MELK: variants seen among roughly 807,000 people sequenced by gnomAD.
MELK encodes pEg3 kinase.
Under a neutral mutation model 85.0 loss-of-function variants are expected in MELK, and 81 were observed. The ratio of observed to expected loss-of-function variants is 0.95; its 90% confidence interval spans 0.80 to 1.15. The LOEUF is 1.15. Among genes scored for constraint, MELK ranks in the 50% most tolerant of loss-of-function variants. The pLI, the probability that MELK is intolerant of heterozygous loss-of-function variation, is 0.00. For missense variants in MELK, 754 were observed against 777.5 expected (o/e 0.97, Z 0.36); for synonymous variants, 252 against 265.0 (o/e 0.95, Z 0.48).
chr9:36,583,770 A>G (rs1335068194), intron 3 of MELK, 58 bp downstream of exon 3: 3 of 1,214,438 alleles, frequency 2.5e-6, no homozygotes, highest in Admixed American at 1.9e-5. Flanking sequence ...GTGAATTAAA[A>G]CCTGAATTGT....
chr9:36,592,802 G>T (rs901212133), intron 4 of MELK, among the ~76,000 whole-genome samples: 3 of 151,864 alleles, frequency 2.0e-5, no homozygotes, highest in Admixed American at 1.3e-4. Flanking sequence ...TCCTATTGAG[G>T]TATAAATTTA....
intron 8 of MELK, among the ~76,000 whole-genome samples, chr9:36,617,940 A>G (rs2136146309): frequency 6.6e-6 from 1 of 152,222 alleles, no homozygotes; most frequent in South Asian, 2.1e-4. Flanking sequence ...AGCCTGGGCA[A>G]CATCGTGAGA....
chr9:36,662,145 C>T (rs1180980693), intron 13 of MELK, among the ~76,000 whole-genome samples: 1 of 150,782 alleles, frequency 6.6e-6, no homozygotes, highest in Non-Finnish European at 1.5e-5. Context: ...TGTTAATTTC[C>T]CCCCACATTT....
chr9:36,597,291 G>A lies in MELK; in HGVS notation c.474+1G>A. On this transcript the variant is annotated splice_donor_variant, in intron 6 of 17. Transcript: ENST00000298048. LOFTEE classifies it high-confidence loss of function. ...CTTTGGTCTCTGTGCAAAACCCAAG[G>A]TAAGTGCAGAAATAAGATGCATCTA... 1 of 1,610,554 alleles carries A rather than the reference G, an allele frequency of 6.2e-7. No individual in the cohort carries two copies. The highest frequency in any genetic ancestry group is 8.5e-7 in the Non-Finnish European group (1 of 1,177,000).
In MELK at chr9:36,677,359, C is replaced by T; in HGVS notation, c.*22C>T. ...ATAATTGATGGATTCTTCCATCCTGCCGGATGAGTGTGGGTGTGATACAGC... is the reference window on the plus strand; with the variant it reads ...ATAATTGATGGATTCTTCCATCCTGTCGGATGAGTGTGGGTGTGATACAGC... On this transcript the variant is annotated 3_prime_UTR_variant, in exon 18 of 18. Coordinates refer to ENST00000298048, the MANE Select transcript of MELK (RefSeq NM_014791.4). The T allele has an allele frequency of 1.3e-6, 2 of 1,596,816 alleles. No individual in the cohort carries two copies.
intron 15 of MELK, among the ~76,000 whole-genome samples, chr9:36,670,501 C>A (rs900433485): frequency 2.6e-5 from 4 of 151,724 alleles, no homozygotes; most frequent in African/African-American, 7.3e-5. Context: ...GAGTTACTTT[C>A]AGATGGCTTA....
chr9:36,644,209 T>TTGTGTGTG (rs55796800), intron 11 of MELK, among the ~76,000 whole-genome samples: 2,394 of 145,354 alleles, frequency 0.016, 57 homozygotes, highest in African/African-American at 0.058. Flanking sequence ...TACCTGTGTT[T>TTGTGTGTG]TGTGTGTGTG....
rs529500779 is a variant in MELK at position 36,677,394 on chromosome 9, G to A, written c.*57G>A. The A allele has an allele frequency of 3.4e-6, 5 of 1,466,792 alleles. No individual in the cohort carries two copies. Among genetic ancestry groups the A allele is most frequent in the Admixed American group, 4.7e-5 (2 of 42,742 alleles). 90.9% of individuals were successfully genotyped at this position (1,466,792 alleles called of 1,614,324 possible). Reference sequence around the variant, plus strand: ...GTGGGTGTGATACAGCCTACATAAAGACTGTTATGATCGCTTTGATTTTAA... The same window carrying A: ...GTGGGTGTGATACAGCCTACATAAAAACTGTTATGATCGCTTTGATTTTAA... On this transcript the variant is annotated 3_prime_UTR_variant, in exon 18 of 18. Transcript: ENST00000298048.
intron 7 of MELK, among the ~76,000 whole-genome samples, chr9:36,601,251 A>G (rs922996125): frequency 7.9e-5 from 12 of 152,154 alleles, no homozygotes; most frequent in African/African-American, 2.4e-4. Flanking sequence ...AGTCTAGGAT[A>G]TGGTGCAGGA....
chr9:36,662,082 T>A (rs1831899124), intron 13 of MELK, among the ~76,000 whole-genome samples: 1 of 151,948 alleles, frequency 6.6e-6, no homozygotes, highest in African/African-American at 2.4e-5. Context: ...TTTCTTTTTT[T>A]ATGTTTCCTA....
At chr9:36,637,617 C>T (rs1272098517) in intron 10 of MELK, among the ~76,000 whole-genome samples, 1 of 152,204 alleles carries the variant, frequency 6.6e-6, no homozygotes, top group African/African-American at 2.4e-5. Context: ...CATGAATCAA[C>T]ACAACAGCTT....
At chr9:36,626,047 G>A (rs1229101160) in intron 8 of MELK, among the ~76,000 whole-genome samples, 1 of 152,128 alleles carries the variant, frequency 6.6e-6, no homozygotes, top group Non-Finnish European at 1.5e-5. Context: ...AGAAATATAA[G>A]TGCAAGTGTG....
intron 13 of MELK, among the ~76,000 whole-genome samples, chr9:36,662,305 T>G (rs1417537539): frequency 6.6e-6 from 1 of 151,396 alleles, no homozygotes; most frequent in African/African-American, 2.4e-5. Flanking sequence ...TGCAATGGCG[T>G]GATCTCAGGC....
At chr9:36,670,589 A>G (rs1455302709) in intron 15 of MELK, among the ~76,000 whole-genome samples, 1 of 151,430 alleles carries the variant, frequency 6.6e-6, no homozygotes, top group Non-Finnish European at 1.5e-5. Flanking sequence ...TGATGTATAT[A>G]TATCAGTGTA....
intron 8 of MELK, among the ~76,000 whole-genome samples, chr9:36,628,857 T>C (rs1828196459): frequency 6.6e-6 from 1 of 150,814 alleles, no homozygotes; most frequent in Admixed American, 6.6e-5. Context: ...TATGGTTTTG[T>C]ATTTTCTTTT....
intron 5 of MELK, 33 bp downstream of exon 5, chr9:36,594,804 T>C (rs766693689): frequency 1.3e-6 from 2 of 1,588,178 alleles, no homozygotes; most frequent in African/African-American, 2.7e-5. Context: ...GATGCTCACC[T>C]TCAGCGTCAT....
chr9:36,605,842 T>G (rs1165854950), intron 7 of MELK, among the ~76,000 whole-genome samples: 1 of 151,160 alleles, frequency 6.6e-6, no homozygotes, highest in Non-Finnish European at 1.5e-5. Context: ...TTCTTTCCTC[T>G]TTTTCTTTTT....
chr9:36,611,413 C>T (rs1587424071), intron 8 of MELK, among the ~76,000 whole-genome samples: 1 of 152,256 alleles, frequency 6.6e-6, no homozygotes, highest in East Asian at 1.9e-4. Flanking sequence ...TGTCTCCTGC[C>T]TTGGCTATGT....
chr9:36,593,794 C>T (rs983074606), intron 4 of MELK, among the ~76,000 whole-genome samples: 4 of 152,098 alleles, frequency 2.6e-5, no homozygotes, highest in Admixed American at 6.6e-5. Context: ...CGGGTTCAAG[C>T]GATTCTCCTG....
Sources: gnomAD v4.1 joint callset for allele counts (sites outside exome capture counted in the v4.1 genomes callset) on GRCh38, gnomAD v4.1.1 for gene constraint, MANE v1.5 for transcripts, NCBI Gene and HGNC (gene_info 2026-07-23, HGNC 2026-07-21) for gene names.